Variants in IBTK observed in about 807,000 individuals in gnomAD.
The protein encoded by IBTK is inhibitor of Bruton tyrosine kinase.
A neutral mutation model predicts 154.9 loss-of-function variants in IBTK; 83 were observed. The observed-to-expected ratio is 0.54, with a 90% CI of 0.45 to 0.64. The LOEUF is 0.64. Among genes scored for constraint, IBTK ranks in the 30% least tolerant of loss-of-function variants. The pLI is 0.00. For missense variants in IBTK, 1,332 were observed against 1,584.6 expected, an observed-to-expected ratio of 0.84 and a Z score of 2.71; for synonymous variants, 515 against 536.1, an observed-to-expected ratio of 0.96 and a Z score of 0.54.
rs1454075201 is a variant in IBTK at position 82,171,555 on chromosome 6, A to G, written c.3932T>C (p.Ile1311Thr). The G allele has an allele frequency of 1.3e-6, 2 of 1,590,824 alleles. No individual in the cohort carries two copies. Among genetic ancestry groups the G allele is most frequent in the East Asian group, 2.3e-5 (1 of 44,114 alleles). ...TAAATCTTGTATGGCATGCTCCTCA[A>G]TCTGAAAGGAGGAAGGGAAAGAAGA... ...SREKPLALIQ[I>T]EEHAIQDLLV... Residue 1311 changes from isoleucine (I) to threonine (T), a missense_variant and splice_region_variant, in exon 29 of 29, where the codon ATT (isoleucine) becomes ACT (threonine). By Grantham distance (89) the Ile-to-Thr change is moderately conservative. Coordinates refer to ENST00000306270, the MANE Select transcript of IBTK (RefSeq NM_015525.4).
intron 26 of IBTK, among the ~76,000 whole-genome samples, chr6:82,181,375 C>T (rs1252302563): frequency 6.6e-6 from 1 of 152,148 alleles, no homozygotes; most frequent in Non-Finnish European, 1.5e-5. Context: ...AATGGATACC[C>T]ATAACAGCAT....
At chr6:82,181,730 G>A in intron 26 of IBTK, 149 bp downstream of exon 26, 1 of 564,296 alleles carries the variant, frequency 1.8e-6, no homozygotes, top group Non-Finnish European at 3.0e-6. Flanking sequence ...AAGTGGGGAA[G>A]GAATTTAAAC....
At chr6:82,192,991 G>A (rs1049349373) in intron 23 of IBTK, among the ~76,000 whole-genome samples, 6 of 151,832 alleles carry the variant, frequency 4.0e-5, no homozygotes, top group East Asian at 3.9e-4. Context: ...CCAGCTACTC[G>A]GGAGGTTGAG....
At chr6:82,196,895 T>C (rs1463624698) in intron 21 of IBTK, among the ~76,000 whole-genome samples, 1 of 152,218 alleles carries the variant, frequency 6.6e-6, no homozygotes, top group African/African-American at 2.4e-5. Context: ...CCCTGTGGCC[T>C]TTTTGCCTCT....
chr6:82,228,822 T>C (rs567303717), intron 4 of IBTK, among the ~76,000 whole-genome samples: 51 of 152,086 alleles, frequency 3.4e-4, no homozygotes, highest in African/African-American at 1.1e-3. Flanking sequence ...GGGGTTTCAC[T>C]GTGTTAGCCA....
intron 2 of IBTK, among the ~76,000 whole-genome samples, chr6:82,236,171 G>A (rs1215644787): frequency 6.6e-6 from 1 of 152,094 alleles, no homozygotes; most frequent in East Asian, 1.9e-4. Flanking sequence ...ACCATGCCCG[G>A]CCATTGTTCA....
chr6:82,204,967 A>T lies in IBTK; in HGVS notation c.2510-9T>A, dbSNP rs765092028. 3.9e-6 allele frequency: 6 copies of T among 1,555,524 alleles called. No individual in the cohort carries two copies. In the East Asian group the frequency reaches 9.0e-5, roughly 23 times the overall value. On this transcript the variant is annotated splice_polypyrimidine_tract_variant and intron_variant, in intron 16 of 28. Coordinates refer to ENST00000306270, the MANE Select transcript of IBTK (RefSeq NM_015525.4). Reference sequence around the variant, plus strand: ...ATCTACATTTTGAGATTCTAAAAAAAGAAAGAAAACAAGCATCACTTTTTC... The same window carrying T: ...ATCTACATTTTGAGATTCTAAAAAATGAAAGAAAACAAGCATCACTTTTTC...
intron 2 of IBTK, among the ~76,000 whole-genome samples, chr6:82,237,644 T>C (rs1201852109): frequency 1.5e-5 from 2 of 132,282 alleles, no homozygotes; most frequent in Admixed American, 1.6e-4. Flanking sequence ...GTAGTAGTAG[T>C]AGTAGAAGAT....
chr6:82,191,077 C>T lies in IBTK; in HGVS notation c.3571G>A (p.Ala1191Thr), dbSNP rs1239918124. Reference protein sequence around the residue: ...TPSKAPKPVNAWASSLHSVSS... With the variant: ...TPSKAPKPVNTWASSLHSVSS... ...TTAATAAAAATAAGAGCATACCATG[C>T]ATTCACTGGTTTGGGGGCTTTTGAA... Residue 1191 changes from alanine to threonine, a missense_variant, in exon 25 of 29, where the codon GCA (alanine) becomes ACA (threonine). Physicochemically the swap from Ala to Thr is moderately conservative, Grantham distance 58. Transcript: ENST00000306270. The T allele has an allele frequency of 5.9e-5, 91 of 1,545,218 alleles. No individual in the cohort carries two copies. Among genetic ancestry groups the T allele is most frequent in the Non-Finnish European group, 7.9e-5 (91 of 1,146,436 alleles).
intron 2 of IBTK, 111 bp from the exon 3 acceptor site, chr6:82,234,366 G>A (rs991582719): frequency 1.4e-5 from 4 of 289,548 alleles, no homozygotes; most frequent in African/African-American, 7.0e-5. Flanking sequence ...ACAGAATTTC[G>A]CTCTTGTTGC....
rs958148704 is a variant in IBTK, at chr6:82,191,164, C to A, written c.3484G>T (p.Ala1162Ser). ...GAATTGTTTTCCTTGGTAGTCAATG[C>A]AATCATTTTTCGTTGCTTCTGAGAA... The part of the protein sequence containing the change: ...KLSQKQRKMI[A>S]LTTKENNSGM... The change falls in exon 25 of 29, where the codon GCA becomes TCA. Residue 1162 changes from alanine (A) to serine (S), a missense_variant. By Grantham distance (99) the Ala-to-Ser change is moderately conservative. This residue lies in a region of IBTK where 1,134 missense variants were observed against 1,274.7 expected (regional missense o/e 0.89). Transcript: ENST00000306270. The A allele has an allele frequency of 1.2e-6, 2 of 1,609,202 alleles. No individual in the cohort carries two copies. The highest frequency in any genetic ancestry group is 2.7e-5 in the African/African-American group (2 of 74,758).
intron 5 of IBTK, 173 bp downstream of exon 5, chr6:82,227,019 T>C: frequency 1.9e-6 from 1 of 518,770 alleles, no homozygotes; most frequent in African/African-American, 2.0e-5. Flanking sequence ...TTGCATTGTA[T>C]GTAAATCCTT....
intron 8 of IBTK, among the ~76,000 whole-genome samples, chr6:82,223,119 G>T (rs898967111): frequency 2.0e-5 from 3 of 151,780 alleles, no homozygotes; most frequent in Non-Finnish European, 4.4e-5. Flanking sequence ...AATGATGAGA[G>T]TGTCACGAAT....
intron 10 of IBTK, 141 bp from the exon 11 acceptor site, chr6:82,216,391 T>A: frequency 1.6e-6 from 1 of 610,176 alleles, no homozygotes; most frequent in Non-Finnish European, 2.8e-6. Flanking sequence ...AAGAACTACA[T>A]CCTCTCTTCA....
chr6:82,174,603 T>C (rs1184751275), intron 26 of IBTK, among the ~76,000 whole-genome samples: 2 of 152,100 alleles, frequency 1.3e-5, no homozygotes, highest in African/African-American at 4.8e-5. Flanking sequence ...AAATAAAGTT[T>C]AAAAGAAACA....
In IBTK at chr6:82,201,378, C is replaced by T. The variant is rs538190517; in HGVS notation, c.2790+44G>A. ...AGTCTGATCTAATATACTGCTTAAG[C>T]TGGTAATATTATAGCCGCGAAAATC... On this transcript the variant is annotated intron_variant, in intron 19 of 28. Transcript: ENST00000306270. 2.0e-5 allele frequency: 27 copies of T among 1,372,200 alleles called. No individual in the cohort carries two copies. The African/African-American group carries it at 3.8e-4, about 19-fold the overall frequency. The allele number at this position is 1,372,200 out of a possible 1,614,324, so 85.0% of individuals were successfully genotyped here. A position where few individuals can be genotyped will look rare whatever the true frequency, so the allele number is the denominator to read the frequency against.
Position 82,200,764 on chromosome 6 carries a change from T to G in IBTK, c.2791-56A>C, listed in dbSNP as rs577138250. 118 of 1,452,774 alleles carry G rather than the reference T, an allele frequency of 8.1e-5. 1 individual carries two copies. Among genetic ancestry groups the G allele is most frequent in the African/African-American group, 7.5e-4 (47 of 62,278 alleles). 90.0% of individuals were successfully genotyped at this position (1,452,774 alleles called of 1,614,324 possible). On this transcript the variant is annotated intron_variant, in intron 19 of 28. Transcript: ENST00000306270. ...ACAAAATCTGTGAAGTTTTTTTTTT[T>G]TTTTTTTTTTTTTTTTTGTGCACAC... is the stretch of plus-strand genomic sequence containing the variant.
In IBTK at chr6:82,240,489, T is replaced by C. The variant is rs1182797863; in HGVS notation, c.-3A>G. The C allele has an allele frequency of 1.2e-6, 2 of 1,608,056 alleles. No homozygotes were observed. The highest frequency in any genetic ancestry group is 2.7e-5 in the African/African-American group (2 of 74,840). On this transcript the variant is annotated 5_prime_UTR_variant, in exon 2 of 29. Coordinates refer to ENST00000306270, the MANE Select transcript of IBTK (RefSeq NM_015525.4). ...CAGTCAGGCATGGGTGAACTCATCCTAACTGTTTTTATACCACTTACTTCA... is the reference window on the plus strand; with the variant it reads ...CAGTCAGGCATGGGTGAACTCATCCCAACTGTTTTTATACCACTTACTTCA...
At chr6:82,176,316 T>C (rs1167087126) in intron 26 of IBTK, among the ~76,000 whole-genome samples, 2 of 150,558 alleles carry the variant, frequency 1.3e-5, no homozygotes, top group African/African-American at 4.9e-5. Flanking sequence ...AGGTCAGGAG[T>C]TCGAGACTAG....
Sources: gnomAD v4.1 joint callset for allele counts (sites outside exome capture counted in the v4.1 genomes callset) on GRCh38, gnomAD v4.1.1 for gene constraint, gnomAD v4.1.1 regional missense constraint, MANE v1.5 for transcripts, NCBI Gene and HGNC (gene_info 2026-07-23, HGNC 2026-07-21) for gene names.